CD163L1: variants seen among roughly 807,000 people sequenced by gnomAD.
CD163L1 encodes the protein scavenger receptor cysteine-rich type 1 protein M160.
Under a neutral mutation model 165.4 loss-of-function variants are expected in CD163L1, and 124 were observed. The ratio of observed to expected loss-of-function variants is 0.75; its 90% CI spans 0.65 to 0.87. The LOEUF is 0.87. CD163L1 is among the 40% of genes least tolerant of loss of function. CD163L1 has a pLI of 0.00. For missense variants in CD163L1, 1,525 were observed against 1,799.9 expected (o/e 0.85, Z 2.76); for synonymous variants, 585 against 662.2 (o/e 0.88, Z 1.79).
chr12:7,406,361 G>A (rs1285558490), intron 5 of CD163L1, among the ~76,000 whole-genome samples, 171 bp downstream of exon 5: 1 of 152,146 alleles, frequency 6.6e-6, no homozygotes, highest in Non-Finnish European at 1.5e-5. Context: ...ATAAAATGCA[G>A]ACATGTTCCC....
downstream of CD163L1, among the ~76,000 whole-genome samples, chr12:7,345,874 G>T (rs767880507): frequency 1.3e-5 from 2 of 152,134 alleles, no homozygotes; most frequent in Non-Finnish European, 2.9e-5. Context: ...TTATCACATG[G>T]CAAGGGCAGG....
the CD163L1 span, chr12:7,324,527 A>C: frequency 6.2e-7 from 1 of 1,613,944 alleles, no homozygotes; most frequent in Non-Finnish European, 8.5e-7. Context: ...TGAAGTGGAG[A>C]GTGCACTCAT....
chr12:7,437,156 TTTA>T (rs1388509181), intron 2 of CD163L1, among the ~76,000 whole-genome samples: 5 of 49,716 alleles, frequency 1.0e-4, no homozygotes, highest in African/African-American at 2.3e-4. Context: ...TTATTATACT[TTTA>T]TTTTTATTAA....
At chr12:7,409,769 T>G (rs950426705) in intron 4 of CD163L1, among the ~76,000 whole-genome samples, 11 of 152,344 alleles carry the variant, frequency 7.2e-5, no homozygotes, top group Admixed American at 4.6e-4. Flanking sequence ...TCTCTAACTG[T>G]GACTGAATTA....
rs757784059 is a variant in CD163L1 at position 7,433,548 on chromosome 12, A to G, written c.271T>C (p.Cys91Arg). ...ASTVVCKQLG[C>R]PFSFAMFRFG... ...CGAAACATGGCGAAAGAAAATGGACATCCAAGCTGTTTGCACACGACAGTT... is the reference window on the plus strand; with the variant it reads ...CGAAACATGGCGAAAGAAAATGGACGTCCAAGCTGTTTGCACACGACAGTT... Residue 91 changes from cysteine (C) to arginine (R), a missense_variant, in exon 3 of 20, where the codon TGT (cysteine) becomes CGT (arginine). Physicochemically the swap from Cys to Arg is radical, Grantham distance 180. Coordinates refer to ENST00000313599, the MANE Select transcript of CD163L1 (RefSeq NM_174941.6). The G allele has an allele frequency of 1.9e-6, 3 of 1,614,194 alleles. No homozygotes were observed. The highest frequency in any genetic ancestry group is 1.7e-6 in the Non-Finnish European group (2 of 1,180,036).
intron 4 of CD163L1, among the ~76,000 whole-genome samples, chr12:7,414,915 A>T (rs1348184889): frequency 2.6e-5 from 4 of 152,190 alleles, no homozygotes; most frequent in Non-Finnish European, 1.5e-5. Context: ...ACAAAAACTG[A>T]GAAAGTTTAT....
the CD163L1 span, among the ~76,000 whole-genome samples, chr12:7,335,637 CA>C: frequency 6.6e-6 from 1 of 152,146 alleles, no homozygotes; most frequent in East Asian, 1.9e-4. Context: ...GCAATGGCAA[CA>C]AAAGGCAAAA....
At chr12:7,378,896 A>G in intron 9 of CD163L1, 82 bp downstream of exon 9, 1 of 1,328,354 alleles carries the variant, frequency 7.5e-7, no homozygotes, top group Non-Finnish European at 1.0e-6. Context: ...AATACTGTTA[A>G]ATAGCCACTT....
At chr12:7,380,903 A>T (rs752291096) in intron 8 of CD163L1, among the ~76,000 whole-genome samples, 1 of 152,294 alleles carries the variant, frequency 6.6e-6, no homozygotes, top group East Asian at 1.9e-4. Context: ...AATGAATCTC[A>T]TTCTAGAAAG....
At chr12:7,434,597 GGT>G (rs1948690180) in intron 2 of CD163L1, among the ~76,000 whole-genome samples, 1 of 151,512 alleles carries the variant, frequency 6.6e-6, no homozygotes, top group Admixed American at 6.6e-5. Flanking sequence ...ATGATGAGAG[GGT>G]GTGTTAGTAA....
Position 7,439,526 on chromosome 12 carries a change from TC to T in CD163L1, c.124+1627del, listed in dbSNP as rs1948785243. 3.2e-6 allele frequency: 5 copies of T among 1,577,108 alleles called. No homozygotes were observed. In the Admixed American group the frequency reaches 1.0e-4, roughly 32 times the overall value. On this transcript the variant is annotated intron_variant, in intron 2 of 19. Transcript: ENST00000313599. ...TTCTCCTCTCTCTGCCTTAATTTTT[TC>T]TTTTTCTTCTTTGGGGAAGTATCTT...
At chr12:7,357,198 G>C (rs1318073228) in intron 19 of CD163L1, among the ~76,000 whole-genome samples, 182 bp downstream of exon 19, 2 of 152,002 alleles carry the variant, frequency 1.3e-5, no homozygotes, top group Non-Finnish European at 2.9e-5. Context: ...ATTTTCTATA[G>C]GAACAACTTT....
At chr12:7,366,785 G>T (rs1947029802) in intron 18 of CD163L1, among the ~76,000 whole-genome samples, 2 of 151,888 alleles carry the variant, frequency 1.3e-5, no homozygotes, top group Non-Finnish European at 1.5e-5. Flanking sequence ...GCACTGTTTT[G>T]TCCACACTGT....
the CD163L1 span, among the ~76,000 whole-genome samples, chr12:7,329,185 C>T: frequency 6.8e-6 from 1 of 147,246 alleles, no homozygotes; most frequent in African/African-American, 2.5e-5. Flanking sequence ...TATATATATA[C>T]ACATAAAGCA....
chr12:7,357,918 G>A (rs972399083), intron 18 of CD163L1, among the ~76,000 whole-genome samples: 1 of 152,200 alleles, frequency 6.6e-6, no homozygotes, highest in East Asian at 1.9e-4. Flanking sequence ...GAGAAATGTA[G>A]ATAACTAAAT....
intron 4 of CD163L1, among the ~76,000 whole-genome samples, chr12:7,421,049 G>GTATATACGTATATATGTA (rs1275505386): frequency 9.8e-5 from 7 of 71,594 alleles, no homozygotes; most frequent in Non-Finnish European, 1.5e-4. Flanking sequence ...GTATATATAT[G>GTATATACGTATATATGTA]TATATACGTA....
In CD163L1 at chr12:7,368,112, C is replaced by T. The variant is rs777227415; in HGVS notation, c.4158G>A (p.Gln1386=). The T allele has an allele frequency of 1.9e-6, 3 of 1,610,672 alleles. No individual in the cohort carries two copies. Among genetic ancestry groups the T allele is most frequent in the Non-Finnish European group, 2.5e-6 (3 of 1,176,976 alleles). ...FILFLTWCRV[Q]KQKHLPLRVS... The stretch of plus-strand genomic sequence containing the variant: ...CTCTGAGGGGCAGATGTTTTTGTTT[C>T]TGAACTCGGCACCACGTGAGAAATA... Residue 1386 remains glutamine (Q), a synonymous_variant, in exon 17 of 20, where the codon CAG becomes CAA. Transcript: ENST00000313599. This position sits in a 1 kb window ranked among gnomAD's most constrained non-coding sequence, Gnocchi z 4.3.
chr12:7,373,553 C>T lies in CD163L1; in HGVS notation c.3497G>A (p.Ser1166Asn), dbSNP rs142968338. 7.9e-4 allele frequency: 1,277 copies of T among 1,614,166 alleles called. 3 individuals carry two copies. The highest frequency in any genetic ancestry group is 1.0e-3 in the Non-Finnish European group (1,236 of 1,180,002). ...TGTGGTGATGTTCCTCCTGCCGACG[C>T]TGCCCCAGGTCCCGTTATAGAAGAC... Reference protein sequence around the residue: ...LEVFYNGTWGSVGRRNITTAI... With the variant: ...LEVFYNGTWGNVGRRNITTAI... The change falls in exon 14 of 20, where the codon AGC becomes AAC. Residue 1166 changes from serine to asparagine, a missense_variant. Ser to Asn is a conservative substitution (Grantham distance 46). Coordinates refer to ENST00000313599, the MANE Select transcript of CD163L1 (RefSeq NM_174941.6).
chr12:7,330,311 TTAC>T, the CD163L1 span, among the ~76,000 whole-genome samples: 13 of 152,214 alleles, frequency 8.5e-5, no homozygotes, highest in African/African-American at 3.1e-4. Flanking sequence ...CCTAACATTT[TTAC>T]TACTTTTCAA....
Sources: allele counts gnomAD v4.1 joint callset (sites outside exome capture counted in the v4.1 genomes callset), GRCh38; gene constraint gnomAD v4.1.1; non-coding constraint Gnocchi (gnomAD v3.1); transcripts MANE v1.5; gene names NCBI Gene and HGNC (gene_info 2026-07-23, HGNC 2026-07-21).